EXOC6B: variants seen among roughly 807,000 people sequenced by gnomAD.
EXOC6B encodes exocyst complex component 6B.
A neutral mutation model predicts 113.5 loss-of-function variants in EXOC6B; 54 were observed. The observed-to-expected ratio is 0.48, with a 90% CI of 0.38 to 0.60. The LOEUF (loss-of-function observed/expected upper bound fraction) is 0.60, where lower values mean the gene tolerates loss of function less well. Ranked by LOEUF, EXOC6B falls within the 20% of genes least tolerant of loss-of-function variation. EXOC6B has a pLI of 0.00. For missense variants in EXOC6B, 797 were observed against 977.5 expected (o/e 0.82, Z 2.46); for synonymous variants, 357 against 339.0 (o/e 1.05, Z -0.58).
intron 20 of EXOC6B, among the ~76,000 whole-genome samples, chr2:72,333,105 TCATTA>T (rs1466150989): frequency 6.6e-6 from 1 of 152,150 alleles, no homozygotes; most frequent in Non-Finnish European, 1.5e-5. Flanking sequence ...GCATACTCTT[TCATTA>T]CCAGTAAAAT....
intron 13 of EXOC6B, 30 bp from the exon 14 acceptor site, chr2:72,496,589 G>A (rs745607076): frequency 1.4e-6 from 2 of 1,430,074 alleles, no homozygotes; most frequent in African/African-American, 1.4e-5. Flanking sequence ...CAAAGGGAAG[G>A]GAAGGATAGA....
At chr2:72,308,911 A>G (rs1687039967) in intron 20 of EXOC6B, among the ~76,000 whole-genome samples, 2 of 152,166 alleles carry the variant, frequency 1.3e-5, no homozygotes, top group Non-Finnish European at 2.9e-5. Context: ...GAAGATGATG[A>G]CTATAAATGT....
intron 16 of EXOC6B, among the ~76,000 whole-genome samples, chr2:72,482,424 TA>T (rs1341195018): frequency 2.6e-5 from 4 of 151,250 alleles, no homozygotes; most frequent in Admixed American, 6.6e-5. Context: ...TTGTGGCAGG[TA>T]GCGGGGAGTT....
intron 7 of EXOC6B, among the ~76,000 whole-genome samples, chr2:72,566,696 GT>G (rs1003776113): frequency 2.0e-5 from 3 of 151,756 alleles, no homozygotes; most frequent in African/African-American, 7.3e-5. Context: ...GGTAATGTCA[GT>G]TTTTTTTATT....
intron 21 of EXOC6B, 146 bp from the exon 22 acceptor site, chr2:72,179,607 C>T: frequency 4.4e-6 from 4 of 908,650 alleles, no homozygotes; most frequent in Non-Finnish European, 6.7e-6. Context: ...CAGGCCCACA[C>T]TCACCTACTC....
At chr2:72,418,578 G>A (rs1694674737) in intron 18 of EXOC6B, among the ~76,000 whole-genome samples, 1 of 151,988 alleles carries the variant, frequency 6.6e-6, no homozygotes, top group Non-Finnish European at 1.5e-5. Context: ...TTTGTTTCTT[G>A]CAACCTTTAT....
chr2:72,748,976 T>C (rs11673787), intron 1 of EXOC6B, among the ~76,000 whole-genome samples: 2,236 of 152,196 alleles, frequency 0.015, 25 homozygotes, highest in Non-Finnish European at 0.025. Flanking sequence ...TGTCACACTA[T>C]TAGAACAAGT....
chr2:72,604,459 A>G (rs1435706814), intron 6 of EXOC6B, among the ~76,000 whole-genome samples: 2 of 152,232 alleles, frequency 1.3e-5, no homozygotes, highest in South Asian at 2.1e-4. Context: ...CACTATAGTA[A>G]GCAGAAAATC....
chr2:72,413,135 G>T (rs1694291899), intron 18 of EXOC6B, among the ~76,000 whole-genome samples: 1 of 151,688 alleles, frequency 6.6e-6, no homozygotes, highest in Non-Finnish European at 1.5e-5. Context: ...AGTTTTTTTT[G>T]TATTTTTAGT....
At chr2:72,347,642 AT>A (rs1689414259) in intron 19 of EXOC6B, among the ~76,000 whole-genome samples, 1 of 152,206 alleles carries the variant, frequency 6.6e-6, no homozygotes, top group South Asian at 2.1e-4. Flanking sequence ...CTAAAATATA[AT>A]TTCAACATGA....
At chr2:72,562,910 T>A (rs938122988) in intron 7 of EXOC6B, among the ~76,000 whole-genome samples, 45 of 152,196 alleles carry the variant, frequency 3.0e-4, no homozygotes, top group African/African-American at 1.1e-3. Context: ...CCTGCTTTTT[T>A]AACTAGTTGT....
At chr2:72,580,664 A>C (rs1705166846) in intron 6 of EXOC6B, among the ~76,000 whole-genome samples, 1 of 152,152 alleles carries the variant, frequency 6.6e-6, no homozygotes, top group African/African-American at 2.4e-5. Context: ...ACAGGCCTGG[A>C]AGCATCACAT....
chr2:72,769,486 A>T (rs1683285725), intron 1 of EXOC6B, among the ~76,000 whole-genome samples: 1 of 152,204 alleles, frequency 6.6e-6, no homozygotes, highest in South Asian at 2.1e-4. Flanking sequence ...TCAAGGATAC[A>T]TGCTGAAATT....
At chr2:72,328,080 G>A (rs182419780) in intron 20 of EXOC6B, among the ~76,000 whole-genome samples, 1 of 152,194 alleles carries the variant, frequency 6.6e-6, no homozygotes, top group African/African-American at 2.4e-5. Flanking sequence ...CCCAGAAGCT[G>A]TTAGCTCTCC....
At chr2:72,692,355 T>C (rs1025425333) in intron 6 of EXOC6B, among the ~76,000 whole-genome samples, 1 of 142,102 alleles carries the variant, frequency 7.0e-6, no homozygotes, top group Non-Finnish European at 1.5e-5. Flanking sequence ...CACCATATTC[T>C]TTTTTTTTTT....
chr2:72,684,194 TG>T (rs1280419903), intron 6 of EXOC6B, among the ~76,000 whole-genome samples: 3 of 152,146 alleles, frequency 2.0e-5, no homozygotes, highest in Non-Finnish European at 4.4e-5. Context: ...CTCAAAGCGC[TG>T]GGATTAAAGG....
intron 1 of EXOC6B, among the ~76,000 whole-genome samples, chr2:72,758,724 A>G (rs533729209): frequency 6.6e-6 from 1 of 152,364 alleles, no homozygotes; most frequent in South Asian, 2.1e-4. Context: ...ATACTAGTCC[A>G]AGTTCTGCTG....
At chr2:72,457,453 C>T (rs919520256) in intron 18 of EXOC6B, among the ~76,000 whole-genome samples, 7 of 151,976 alleles carry the variant, frequency 4.6e-5, no homozygotes, top group African/African-American at 1.7e-4. Flanking sequence ...CCACGCTTAA[C>T]CCACAAACCA....
rs867513483 is a variant in EXOC6B at position 72,408,868 on chromosome 2, G to A, written c.1981-28998C>T. 6.6e-5 allele frequency among the ~76,000 whole-genome samples: 10 copies of A among 152,206 alleles called. No individual in the cohort carries two copies. The Middle Eastern group carries it at 0.01, about 155-fold the overall frequency. ...AGCAAAAGACAAAATTGACAAATGGGATCTCATTAAACTAAAGAGCTTCTG... is the reference window on the plus strand; with the variant it reads ...AGCAAAAGACAAAATTGACAAATGGAATCTCATTAAACTAAAGAGCTTCTG... On this transcript the variant is annotated intron_variant, in intron 18 of 21. Transcript: ENST00000272427.
Sources: allele counts gnomAD v4.1 joint callset (sites outside exome capture counted in the v4.1 genomes callset), GRCh38; gene constraint gnomAD v4.1.1; transcripts MANE v1.5; gene names NCBI Gene and HGNC (gene_info 2026-07-23, HGNC 2026-07-21).